DERA: variants seen among roughly 807,000 people sequenced by gnomAD.
The protein encoded by DERA is deoxyribose-phosphate aldolase, also known as 2-deoxy-D-ribose 5-phosphate aldolase.
A neutral mutation model predicts 41.1 loss-of-function variants in DERA; 15 were observed. That is an observed-to-expected ratio of 0.37 (90% CI 0.24 to 0.56). The LOEUF is 0.56. DERA is among the 20% of genes least tolerant of loss of function. The probability of loss-of-function intolerance (pLI) is 0.81; values close to 1 mark genes in which losing one functional copy is unlikely to be tolerated. For missense variants in DERA, 396 were observed against 403.4 expected (o/e 0.98, Z 0.16); for synonymous variants, 139 against 137.4 (o/e 1.01, Z -0.08).
rs1948937686 is a variant in DERA at position 16,010,125 on chromosome 12, G to T, written c.638-22417G>T. ...TTAGTAAAGGAAGCCAAGCCCTTCT[G>T]CTGTGAGGGAAATATAGCATGTGAG... On this transcript the variant is annotated intron_variant, in intron 6 of 8. Coordinates refer to ENST00000428559, the MANE Select transcript of DERA (RefSeq NM_015954.4). The surrounding 1 kb of genome is among the most constrained non-coding windows in gnomAD (Gnocchi z 5.5). 6.6e-6 allele frequency among the ~76,000 whole-genome samples: 1 copy of T among 152,176 alleles called. No homozygotes were observed. The highest frequency in any genetic ancestry group is 2.4e-5 in the African/African-American group (1 of 41,440).
chr12:16,019,855 A>C lies in DERA; in HGVS notation c.638-12687A>C, dbSNP rs570748116. Among the ~76,000 whole-genome samples, 20 of 152,272 alleles carry C rather than the reference A, an allele frequency of 1.3e-4. No homozygotes were observed. The highest frequency in any genetic ancestry group is 4.6e-4 in the African/African-American group (19 of 41,556). On this transcript the variant is annotated intron_variant, in intron 6 of 8. Coordinates refer to ENST00000428559, the MANE Select transcript of DERA (RefSeq NM_015954.4). The surrounding 1 kb of genome is among the most constrained non-coding windows in gnomAD (Gnocchi z 4.4). ...ACTCACATGTTGAAATGTGATTCCC[A>C]GTGTTAGAGATGGGGCCTGGTGGGA...
chr12:16,011,396 A>G lies in DERA; in HGVS notation c.638-21146A>G, dbSNP rs1323073604. Among the ~76,000 whole-genome samples the G allele has an allele frequency of 6.6e-6, 1 of 152,108 alleles. No homozygotes were observed. The highest frequency in any genetic ancestry group is 1.5e-5 in the Non-Finnish European group (1 of 68,020). On this transcript the variant is annotated intron_variant, in intron 6 of 8. Transcript: ENST00000428559. The surrounding 1 kb of genome is among the most constrained non-coding windows in gnomAD (Gnocchi z 4.7). ...GGAATATTTGCATATGCTTACCCTA[A>G]CCTGGTTGAGCATCCCAAATCCAAA... is the stretch of plus-strand genomic sequence containing the variant.
At position 15,947,138 on chromosome 12, in the gene DERA, A is replaced by G. The variant is rs757115721; in HGVS notation, c.32-9798A>G. ...TGCTTTACTTCCAACTATGTGGTCA[A>G]TTTTGGAATAAGTGTGATATGGTGC... On this transcript the variant is annotated intron_variant, in intron 1 of 8. Transcript: ENST00000428559. 1.1e-4 allele frequency among the ~76,000 whole-genome samples: 16 copies of G among 152,206 alleles called. No homozygotes were observed. The South Asian group carries it at 1.4e-3, about 14-fold the overall frequency.
intron 5 of DERA, among the ~76,000 whole-genome samples, chr12:15,979,060 A>T (rs1052600836): frequency 2.6e-5 from 4 of 152,240 alleles, no homozygotes; most frequent in Non-Finnish European, 5.9e-5. Flanking sequence ...TATACTCAGG[A>T]GAATCCACAT....
chr12:16,014,120 G>A lies in DERA; in HGVS notation c.638-18422G>A, dbSNP rs1196128619. 6.6e-6 allele frequency among the ~76,000 whole-genome samples: 1 copy of A among 152,176 alleles called. No homozygotes were observed. Among genetic ancestry groups the A allele is most frequent in the Admixed American group, 6.5e-5 (1 of 15,286 alleles). ...GAACTTAGTTTAAAAGGGAAGCAGA[G>A]CATAAAAGTTTAGAAAATTTGCAGC... On this transcript the variant is annotated intron_variant, in intron 6 of 8. Transcript: ENST00000428559. This position sits in a 1 kb window ranked among gnomAD's most constrained non-coding sequence, Gnocchi z 5.4.
chr12:15,964,729 T>C (rs1948611553), intron 5 of DERA, among the ~76,000 whole-genome samples: 1 of 152,206 alleles, frequency 6.6e-6, no homozygotes, highest in African/African-American at 2.4e-5. Flanking sequence ...ATGTAGAAAT[T>C]GGGTTTATAT....
chr12:15,952,311 G>A (rs144311170), intron 1 of DERA, among the ~76,000 whole-genome samples: 25 of 152,198 alleles, frequency 1.6e-4, no homozygotes, highest in African/African-American at 5.3e-4. Flanking sequence ...CCACACATAC[G>A]TTTTCATGTT....
rs986522820 is a variant in DERA, at chr12:16,017,105, A to G, written c.638-15437A>G. 6.6e-6 allele frequency among the ~76,000 whole-genome samples: 1 copy of G among 152,194 alleles called. No homozygotes were observed. The highest frequency in any genetic ancestry group is 2.4e-5 in the African/African-American group (1 of 41,450). ...AGTCCCCACTTTGTATTCCACTTAA[A>G]TCATACTGTTTTGCATTATTTTAAA... On this transcript the variant is annotated intron_variant, in intron 6 of 8. Coordinates refer to ENST00000428559, the MANE Select transcript of DERA (RefSeq NM_015954.4). This position sits in a 1 kb window ranked among gnomAD's most constrained non-coding sequence, Gnocchi z 5.5.
Position 15,976,056 on chromosome 12 carries a change from T to C in DERA, c.509-6252T>C, listed in dbSNP as rs1043639632. Among the ~76,000 whole-genome samples, 8 of 152,156 alleles carry C rather than the reference T, an allele frequency of 5.3e-5. No homozygotes were observed. The highest frequency in any genetic ancestry group is 1.0e-4 in the Non-Finnish European group (7 of 68,026). ...CACACACATAGAAACACACATTCAT[T>C]TTTATTTATTTATATATCAGTCTAT... On this transcript the variant is annotated intron_variant, in intron 5 of 8. Coordinates refer to ENST00000428559, the MANE Select transcript of DERA (RefSeq NM_015954.4). The surrounding 1 kb of genome is among the most constrained non-coding windows in gnomAD (Gnocchi z 4.1).
Position 15,981,639 on chromosome 12 carries a change from G to A in DERA, c.509-669G>A, listed in dbSNP as rs1948733613. ...TATGAAATAAATCTGGGCCCAATGT[G>A]GAACCCTCCAAAGCCAGATGTGGTA... On this transcript the variant is annotated intron_variant, in intron 5 of 8. Coordinates refer to ENST00000428559, the MANE Select transcript of DERA (RefSeq NM_015954.4). The surrounding 1 kb of genome is among the most constrained non-coding windows in gnomAD (Gnocchi z 6.1). Among the ~76,000 whole-genome samples, 2 of 152,154 alleles carry A rather than the reference G, an allele frequency of 1.3e-5. No homozygotes were observed. Among genetic ancestry groups the A allele is most frequent in the African/African-American group, 4.8e-5 (2 of 41,434 alleles).
chr12:16,007,255 C>G (rs138053597), intron 6 of DERA, among the ~76,000 whole-genome samples: 1 of 148,538 alleles, frequency 6.7e-6, no homozygotes, highest in Non-Finnish European at 1.5e-5. Context: ...GCGATCTTGG[C>G]TCACTGCAAC....
At position 15,952,507 on chromosome 12, in the gene DERA, A is replaced by G. The variant is rs144630366; in HGVS notation, c.32-4429A>G. On this transcript the variant is annotated intron_variant, in intron 1 of 8. Coordinates refer to ENST00000428559, the MANE Select transcript of DERA (RefSeq NM_015954.4). ...GAAACATAATGTGAGACATGGAGTC[A>G]TTTTAAATTTTCAAGTGTACACATT... is the stretch of plus-strand genomic sequence containing the variant. 8.6e-3 allele frequency among the ~76,000 whole-genome samples: 1,315 copies of G among 152,314 alleles called. 14 individuals carry two copies. Among genetic ancestry groups the G allele is most frequent in the Admixed American group, 0.016 (240 of 15,288 alleles).
Position 15,981,946 on chromosome 12 carries a change from A to G in DERA, c.509-362A>G, listed in dbSNP as rs1948735494. 6.6e-6 allele frequency among the ~76,000 whole-genome samples: 1 copy of G among 152,168 alleles called. No individual in the cohort carries two copies. The highest frequency in any genetic ancestry group is 2.1e-4 in the South Asian group (1 of 4,822). On this transcript the variant is annotated intron_variant, in intron 5 of 8. Transcript: ENST00000428559. The surrounding 1 kb of genome is among the most constrained non-coding windows in gnomAD (Gnocchi z 6.1). The stretch of plus-strand genomic sequence containing the variant: ...TAAGATTTTTTTTTATTACTTTGCA[A>G]AGGGGTACACCACTGTATGTATGGT...
intron 5 of DERA, among the ~76,000 whole-genome samples, chr12:15,978,552 T>A (rs74717273): frequency 0.018 from 2,716 of 152,288 alleles, 86 homozygotes; most frequent in African/African-American, 0.063. Context: ...AATCGAATAA[T>A]TCCTAAATGT....
intron 1 of DERA, among the ~76,000 whole-genome samples, chr12:15,927,374 A>G (rs1948294787): frequency 6.6e-6 from 1 of 152,232 alleles, no homozygotes; most frequent in Non-Finnish European, 1.5e-5. Flanking sequence ...ATAAATAATC[A>G]GAGACAAGTG....
At chr12:15,927,032 C>G (rs1344395543) in intron 1 of DERA, among the ~76,000 whole-genome samples, 1 of 152,140 alleles carries the variant, frequency 6.6e-6, no homozygotes, top group African/African-American at 2.4e-5. Flanking sequence ...TCTGAATAGT[C>G]AAGTACATAA....
At position 15,943,452 on chromosome 12, in the gene DERA, C is replaced by A. The variant is rs940594299; in HGVS notation, c.32-13484C>A. 3.3e-5 allele frequency among the ~76,000 whole-genome samples: 5 copies of A among 152,190 alleles called. No individual in the cohort carries two copies. The highest frequency in any genetic ancestry group is 1.2e-4 in the African/African-American group (5 of 41,450). ...GTAAATCAGATCATTTCAGCCCTTG[C>A]TGAAAATTCTCTAAAAGACTTCCCA... On this transcript the variant is annotated intron_variant, in intron 1 of 8. Coordinates refer to ENST00000428559, the MANE Select transcript of DERA (RefSeq NM_015954.4). This position sits in a 1 kb window ranked among gnomAD's most constrained non-coding sequence, Gnocchi z 4.5.
Position 15,970,724 on chromosome 12 carries a change from A to G in DERA, c.508+7777A>G, listed in dbSNP as rs1948653942. 6.6e-6 allele frequency among the ~76,000 whole-genome samples: 1 copy of G among 152,160 alleles called. No individual in the cohort carries two copies. The highest frequency in any genetic ancestry group is 1.5e-5 in the Non-Finnish European group (1 of 68,044). ...TTTTCAGACTGTTCAAGATGTACAC[A>G]TGTACTTGGTATATCTGTAGACCTG... On this transcript the variant is annotated intron_variant, in intron 5 of 8. Coordinates refer to ENST00000428559, the MANE Select transcript of DERA (RefSeq NM_015954.4). This position sits in a 1 kb window ranked among gnomAD's most constrained non-coding sequence, Gnocchi z 4.3.
At chr12:15,956,451 C>T in intron 1 of DERA, 1 of 237,584 alleles carries the variant, frequency 4.2e-6, no homozygotes, top group Non-Finnish European at 8.4e-6. Context: ...TGTATCCTGT[C>T]AGCATGCAGT....
Sources: gnomAD v4.1 joint callset for allele counts (sites outside exome capture counted in the v4.1 genomes callset) on GRCh38, gnomAD v4.1.1 for gene constraint, Gnocchi (gnomAD v3.1) non-coding constraint, MANE v1.5 for transcripts, NCBI Gene and HGNC (gene_info 2026-07-23, HGNC 2026-07-21) for gene names.